Variants in TENM3 observed in about 807,000 individuals in gnomAD.
The protein encoded by TENM3 is teneurin transmembrane protein 3.
A neutral mutation model predicts 255.1 loss-of-function variants in TENM3; 63 were observed. That is an observed-to-expected ratio of 0.25 (90% CI 0.20 to 0.30). The LOEUF (loss-of-function observed/expected upper bound fraction) is 0.30. Ranked by LOEUF, TENM3 falls within the 10% of genes least tolerant of loss-of-function variation. The pLI is 1.00. For missense variants in TENM3, 2,929 were observed against 3,461.1 expected, an observed-to-expected ratio of 0.85 and a Z score of 3.86; for synonymous variants, 1,306 against 1,322.3, an observed-to-expected ratio of 0.99 and a Z score of 0.27.
the TENM3 span, among the ~76,000 whole-genome samples, chr4:181,771,470 A>G: frequency 2.0e-5 from 3 of 152,216 alleles, no homozygotes; most frequent in Non-Finnish European, 2.9e-5. Context: ...CTAGGTACAC[A>G]AGAGGCCTCC....
At chr4:181,779,122 GA>G in the TENM3 span, among the ~76,000 whole-genome samples, 1 of 152,022 alleles carries the variant, frequency 6.6e-6, no homozygotes, top group African/African-American at 2.4e-5. Context: ...GCCATCTGGG[GA>G]GAGGAAGGAC....
At chr4:181,465,008 G>A in the TENM3 span, among the ~76,000 whole-genome samples, 1 of 152,046 alleles carries the variant, frequency 6.6e-6, no homozygotes, top group Admixed American at 6.6e-5. Context: ...TGACTTTGGT[G>A]TCATATCTAA....
At chr4:181,916,870 C>T in the TENM3 span, among the ~76,000 whole-genome samples, 1 of 151,804 alleles carries the variant, frequency 6.6e-6, no homozygotes, top group Non-Finnish European at 1.5e-5. Context: ...AAGACTCCGT[C>T]TAAAAACAAA....
chr4:182,365,325 G>C (rs987929093), intron 3 of TENM3, among the ~76,000 whole-genome samples: 8 of 152,188 alleles, frequency 5.3e-5, no homozygotes, highest in African/African-American at 1.9e-4. Flanking sequence ...CAGTGACTCT[G>C]CTTTTTCTCC....
intron 5 of TENM3, among the ~76,000 whole-genome samples, chr4:182,637,854 G>A (rs2152488042): frequency 6.6e-6 from 1 of 152,318 alleles, no homozygotes; most frequent in South Asian, 2.1e-4. Flanking sequence ...GAGCATTCAA[G>A]ATTTTCCTGC....
At chr4:181,782,229 G>A in the TENM3 span, among the ~76,000 whole-genome samples, 5 of 152,136 alleles carry the variant, frequency 3.3e-5, no homozygotes, top group Non-Finnish European at 7.4e-5. Flanking sequence ...GGTAGAATTT[G>A]GCTGTGAATC....
the TENM3 span, among the ~76,000 whole-genome samples, chr4:181,566,789 G>A: frequency 6.6e-6 from 1 of 152,190 alleles, no homozygotes; most frequent in African/African-American, 2.4e-5. Flanking sequence ...CTTCAGGTCA[G>A]CCAACTCTCT....
intron 1 of TENM3, among the ~76,000 whole-genome samples, chr4:182,226,677 T>C (rs1429687465): frequency 6.6e-6 from 1 of 152,136 alleles, no homozygotes; most frequent in Non-Finnish European, 1.5e-5. Flanking sequence ...CTTGGACCCA[T>C]GCTGCTTTGC....
chr4:182,107,365 C>T, the TENM3 span, among the ~76,000 whole-genome samples: 9 of 152,170 alleles, frequency 5.9e-5, no homozygotes, highest in Non-Finnish European at 1.2e-4. Flanking sequence ...CTGGGTTTTA[C>T]GCCCCGGGTG....
chr4:182,665,645 C>T (rs891798529), intron 6 of TENM3, among the ~76,000 whole-genome samples: 3 of 152,248 alleles, frequency 2.0e-5, no homozygotes, highest in African/African-American at 4.8e-5. Context: ...CCTGTAATCC[C>T]AGCACATTGG....
the TENM3 span, among the ~76,000 whole-genome samples, chr4:181,911,152 G>A: frequency 1.3e-5 from 2 of 152,178 alleles, no homozygotes; most frequent in South Asian, 2.1e-4. Context: ...AATTTGGTCA[G>A]AACACATGAT....
intron 1 of TENM3, among the ~76,000 whole-genome samples, chr4:182,216,054 A>AT (rs1401980307): frequency 6.6e-6 from 1 of 152,174 alleles, no homozygotes; most frequent in East Asian, 1.9e-4. Flanking sequence ...TCTTTAAAAT[A>AT]TTTGTTTCGT....
chr4:182,487,172 C>A (rs1734837883), intron 3 of TENM3, among the ~76,000 whole-genome samples: 1 of 152,132 alleles, frequency 6.6e-6, no homozygotes, highest in Non-Finnish European at 1.5e-5. Flanking sequence ...AGAGAAACAG[C>A]CATAGCTAGC....
At chr4:182,052,536 AC>A in the TENM3 span, among the ~76,000 whole-genome samples, 1 of 152,248 alleles carries the variant, frequency 6.6e-6, no homozygotes, top group Middle Eastern at 3.4e-3. Flanking sequence ...GCAAGGTTGT[AC>A]CTTTTCCCTC....
At chr4:181,558,464 T>C in the TENM3 span, among the ~76,000 whole-genome samples, 1 of 152,222 alleles carries the variant, frequency 6.6e-6, no homozygotes, top group Non-Finnish European at 1.5e-5. Flanking sequence ...AATAAAGTAG[T>C]ATATGAACTA....
the TENM3 span, among the ~76,000 whole-genome samples, chr4:181,537,374 G>A: frequency 6.6e-6 from 1 of 152,068 alleles, no homozygotes; most frequent in African/African-American, 2.4e-5. Flanking sequence ...AAATGCCAGC[G>A]AGGCTAGCAG....
the TENM3 span, among the ~76,000 whole-genome samples, chr4:181,508,627 G>T: frequency 1.3e-5 from 2 of 152,224 alleles, no homozygotes; most frequent in South Asian, 2.1e-4. Flanking sequence ...CTGTCCGTCG[G>T]CTCTGAAGGG....
the TENM3 span, among the ~76,000 whole-genome samples, chr4:181,641,554 G>A: frequency 0.11 from 2,704 of 25,720 alleles, 176 homozygotes; most frequent in African/African-American, 0.18. Context: ...TGGTGTGTGT[G>A]TATATATATA....
chr4:182,298,645 G>T (rs1338942770), intron 1 of TENM3, among the ~76,000 whole-genome samples: 3 of 152,056 alleles, frequency 2.0e-5, no homozygotes, highest in African/African-American at 7.2e-5. Context: ...GAAGATTGGA[G>T]AAAATGACAC....
Sources: gnomAD v4.1 joint callset for allele counts (sites outside exome capture counted in the v4.1 genomes callset) on GRCh38, gnomAD v4.1.1 for gene constraint, MANE v1.5 for transcripts, NCBI Gene and HGNC (gene_info 2026-07-23, HGNC 2026-07-21) for gene names.